SHANK2: variants seen among roughly 807,000 people sequenced by gnomAD.
SHANK2 encodes SH3 and multiple ankyrin repeat domains protein 2.
Under a neutral mutation model 133.7 loss-of-function variants are expected in SHANK2, and 43 were observed. The ratio of observed to expected loss-of-function variants is 0.32; its 90% CI spans 0.25 to 0.41. The LOEUF is 0.41. Among genes scored for constraint, SHANK2 ranks in the 10% least tolerant of loss-of-function variants. The probability of loss-of-function intolerance (pLI) is 1.00; values close to 1 mark genes in which losing one functional copy is unlikely to be tolerated. For missense variants in SHANK2, 1,994 were observed against 2,235.8 expected (o/e 0.89, Z 2.18); for synonymous variants, 1,017 against 952.8 (o/e 1.07, Z -1.24).
chr11:71,118,006 T>C (rs1187002665), intron 4 of SHANK2, among the ~76,000 whole-genome samples: 1 of 152,138 alleles, frequency 6.6e-6, no homozygotes, highest in South Asian at 2.1e-4. Flanking sequence ...AGTGTCAGAA[T>C]TGAATTAATT....
At chr11:70,784,426 G>A (rs1192483918) in intron 14 of SHANK2, among the ~76,000 whole-genome samples, 2 of 126,022 alleles carry the variant, frequency 1.6e-5, no homozygotes, top group Middle Eastern at 5.0e-3. Context: ...GTGTGATCTC[G>A]GCCCACTGCA....
chr11:71,170,771 A>T (rs531560962), intron 2 of SHANK2, among the ~76,000 whole-genome samples: 1 of 152,340 alleles, frequency 6.6e-6, no homozygotes, highest in South Asian at 2.1e-4. Flanking sequence ...GGACGCTCCC[A>T]GGTGCCAGGA....
intron 14 of SHANK2, among the ~76,000 whole-genome samples, chr11:70,766,895 T>C (rs1555041540): frequency 6.6e-6 from 1 of 152,172 alleles, no homozygotes; most frequent in East Asian, 1.9e-4. Flanking sequence ...ATAAGACGGG[T>C]GATTTTTAAC....
Position 70,493,571 on chromosome 11 carries a change from G to C in SHANK2, c.2309-1106C>G, listed in dbSNP as rs916159506. ...GATCAGGCATAAGGGTGTGTCTAAG[G>C]CTGTTTAAATGCAAGGGCCCTGTGC... On this transcript the variant is annotated intron_variant, in intron 21 of 25. Transcript: ENST00000601538. 5.3e-5 allele frequency among the ~76,000 whole-genome samples: 8 copies of C among 151,676 alleles called. No homozygotes were observed. In the East Asian group the frequency reaches 1.6e-3, roughly 29 times the overall value.
intron 15 of SHANK2, among the ~76,000 whole-genome samples, chr11:70,680,925 C>T (rs568444174): frequency 1.8e-4 from 28 of 152,214 alleles, no homozygotes; most frequent in African/African-American, 6.0e-4. Context: ...GTCCTGCGGC[C>T]GAGATACTCC....
In SHANK2 at chr11:71,210,209, G is replaced by GGTGTATATATAT. The variant is rs1321254027; in HGVS notation, c.-13+14487_-13+14488insATATATATACAC. On this transcript the variant is annotated intron_variant, in intron 2 of 25. Transcript: ENST00000601538. ...TGGTCCTCTTCATTGGAAATCCACA[G>GGTGTATATATAT]GTATATATATATATATATATATATA... 6.7e-4 allele frequency among the ~76,000 whole-genome samples: 24 copies of GGTGTATATATAT among 35,672 alleles called. 3 individuals are homozygous for GGTGTATATATAT. The highest frequency in any genetic ancestry group is 3.8e-3 in the Admixed American group (9 of 2,364). The allele number at this position is 35,672 out of a possible 152,430, so 23.4% of individuals were successfully genotyped here. A position where few individuals can be genotyped will look rare whatever the true frequency, so the allele number is the denominator to read the frequency against.
intron 14 of SHANK2, among the ~76,000 whole-genome samples, chr11:70,786,040 T>C (rs1354463769): frequency 6.6e-6 from 1 of 152,142 alleles, no homozygotes; most frequent in Non-Finnish European, 1.5e-5. Flanking sequence ...GTTCCCACAC[T>C]GCAGCCCAAG....
intron 6 of SHANK2, among the ~76,000 whole-genome samples, chr11:71,095,044 G>C (rs573146475): frequency 1.3e-5 from 2 of 152,326 alleles, no homozygotes; most frequent in South Asian, 2.1e-4. Flanking sequence ...AAGGAGTGAC[G>C]GACTAAAGCC....
intron 1 of SHANK2, among the ~76,000 whole-genome samples, chr11:71,238,669 A>G (rs1288182910): frequency 6.6e-6 from 1 of 152,232 alleles, no homozygotes. Flanking sequence ...ATCACCCATC[A>G]CCACAGCCTA....
chr11:70,729,477 T>TGAGAGAGA (rs1555031537), intron 14 of SHANK2, among the ~76,000 whole-genome samples: 1 of 151,586 alleles, frequency 6.6e-6, no homozygotes, highest in East Asian at 1.9e-4. Flanking sequence ...AGGTGGCTGT[T>TGAGAGAGA]GTACATACCT....
At chr11:70,725,673 C>G (rs1203596581) in intron 14 of SHANK2, among the ~76,000 whole-genome samples, 1 of 152,244 alleles carries the variant, frequency 6.6e-6, no homozygotes, top group Non-Finnish European at 1.5e-5. Context: ...AGAAACACTG[C>G]TATCCACAGC....
chr11:70,548,359 C>G (rs1427413219), intron 17 of SHANK2, among the ~76,000 whole-genome samples: 3 of 152,256 alleles, frequency 2.0e-5, no homozygotes, highest in Non-Finnish European at 4.4e-5. Context: ...TGGGACTGCC[C>G]TGATCCCAGG....
chr11:70,521,715 T>A (rs1166800097), intron 17 of SHANK2, among the ~76,000 whole-genome samples: 1 of 152,190 alleles, frequency 6.6e-6, no homozygotes, highest in Non-Finnish European at 1.5e-5. Context: ...CACGTGTGTG[T>A]GCACATTCCC....
intron 2 of SHANK2, among the ~76,000 whole-genome samples, chr11:71,210,078 CT>C (rs1236539799): frequency 4.6e-5 from 7 of 151,420 alleles, no homozygotes; most frequent in African/African-American, 1.2e-4. Context: ...TTTCGATCAT[CT>C]GCAAGGGAAC....
intron 2 of SHANK2, among the ~76,000 whole-genome samples, chr11:71,172,458 C>T (rs1207146161): frequency 2.0e-5 from 3 of 151,848 alleles, no homozygotes; most frequent in African/African-American, 7.3e-5. Context: ...ATTAGCTGGG[C>T]ATGGTGGCGG....
At chr11:71,140,575 C>T (rs1470225600) in intron 3 of SHANK2, among the ~76,000 whole-genome samples, 8 of 152,218 alleles carry the variant, frequency 5.3e-5, no homozygotes, top group African/African-American at 1.7e-4. Context: ...CTCCCTTCTA[C>T]GTGGCTGATG....
chr11:70,492,855 G>A (rs1555156290), intron 21 of SHANK2, among the ~76,000 whole-genome samples: 1 of 143,822 alleles, frequency 7.0e-6, no homozygotes, highest in Non-Finnish European at 1.5e-5. Context: ...GAGTGCAGTG[G>A]TGCAATCTTG....
At chr11:70,747,545 C>A (rs1275814274) in intron 14 of SHANK2, among the ~76,000 whole-genome samples, 3 of 152,162 alleles carry the variant, frequency 2.0e-5, no homozygotes, top group Non-Finnish European at 4.4e-5. Flanking sequence ...GTTTCCAGGG[C>A]AGCCTTTAGA....
rs559164050 is a variant in SHANK2, at chr11:71,102,440, C to T, written c.592+7501G>A. 2.6e-5 allele frequency among the ~76,000 whole-genome samples: 4 copies of T among 152,276 alleles called. No individual in the cohort carries two copies. In the East Asian group the frequency reaches 7.7e-4, roughly 29 times the overall value. Reference sequence around the variant, plus strand: ...CCTCCGCTCCGGCCCCATGTCCAGCCCCAAAACAGGGACGCGGGGCCCAGG... The same window carrying T: ...CCTCCGCTCCGGCCCCATGTCCAGCTCCAAAACAGGGACGCGGGGCCCAGG... On this transcript the variant is annotated intron_variant, in intron 6 of 25. Transcript: ENST00000601538.
Sources: allele counts gnomAD v4.1 joint callset (sites outside exome capture counted in the v4.1 genomes callset), GRCh38; gene constraint gnomAD v4.1.1; transcripts MANE v1.5; gene names NCBI Gene and HGNC (gene_info 2026-07-23, HGNC 2026-07-21).